USH2A: variants seen among roughly 807,000 people sequenced by gnomAD.
The protein encoded by USH2A is usherin, also known as Usher syndrome 2A (autosomal recessive, mild).
In USH2A, 443 loss-of-function variants were observed where a neutral mutation model predicts 538.9. That is an observed-to-expected ratio of 0.82 (90% CI 0.76 to 0.89). USH2A has a LOEUF of 0.89. USH2A is among the 40% of genes least tolerant of loss of function. USH2A has a pLI of 0.00. For synonymous variants in USH2A, 2,413 were observed against 2,273.5 expected (o/e 1.06, Z -1.75); for missense variants, 6,633 against 6,324.8 (o/e 1.05, Z -1.65).
chr1:216,384,234 T>C (rs2038967149), intron 3 of USH2A, among the ~76,000 whole-genome samples: 1 of 151,876 alleles, frequency 6.6e-6, no homozygotes, highest in South Asian at 2.1e-4. Context: ...AATTTCTAAA[T>C]ATATCAAGAT....
At chr1:216,293,252 C>A (rs903066086) in intron 9 of USH2A, among the ~76,000 whole-genome samples, 27 of 152,164 alleles carry the variant, frequency 1.8e-4, no homozygotes, top group African/African-American at 5.3e-4. Context: ...TCTCGATCTC[C>A]TGACCTCGTG....
intron 30 of USH2A, among the ~76,000 whole-genome samples, chr1:216,069,114 T>A (rs1171657492): frequency 2.0e-5 from 3 of 152,162 alleles, no homozygotes; most frequent in Admixed American, 6.5e-5. Flanking sequence ...GTTGAGCATT[T>A]TTAGCAATAA....
At chr1:216,226,003 A>T (rs1457482551) in intron 14 of USH2A, among the ~76,000 whole-genome samples, 1 of 152,178 alleles carries the variant, frequency 6.6e-6, no homozygotes, top group African/African-American at 2.4e-5. Flanking sequence ...TTGAAAGGAC[A>T]TATTAAAAAG....
chr1:215,719,383 A>AAAAAT (rs397953947), intron 61 of USH2A, among the ~76,000 whole-genome samples: 1 of 148,134 alleles, frequency 6.8e-6, no homozygotes, highest in Non-Finnish European at 1.5e-5. Flanking sequence ...AAAAAAAAAA[A>AAAAAT]GCATGTTCTT....
chr1:215,720,874 T>G (rs1659638156), intron 61 of USH2A, among the ~76,000 whole-genome samples: 1 of 152,098 alleles, frequency 6.6e-6, no homozygotes, highest in African/African-American at 2.4e-5. Context: ...CCCCTCAAAA[T>G]TAATAGAAGA....
chr1:216,264,507 A>G (rs947447755), intron 11 of USH2A, among the ~76,000 whole-genome samples: 13 of 152,144 alleles, frequency 8.5e-5, no homozygotes, highest in Non-Finnish European at 1.6e-4. Flanking sequence ...CATGTTGGTC[A>G]GGCTGGTCTC....
rs375820865 is a variant in USH2A, at chr1:216,070,203, C to T, written c.5947G>A (p.Val1983Ile). 6.2e-7 allele frequency: 1 copy of T among 1,613,862 alleles called. No individual in the cohort carries two copies. The highest frequency in any genetic ancestry group is 1.3e-5 in the African/African-American group (1 of 74,884). ...GCTTTCAGAATGTACTTCTCAATTA[C>T]ACCTCTGACAACAGGTTCATCCCAG... ...VTWDEPVVRG[V>I]IEKYILKAYS... The change falls in exon 30 of 72, where the codon GTA becomes ATA. Residue 1983 changes from valine to isoleucine, a missense_variant. Physicochemically the swap from Val to Ile is conservative, Grantham distance 29 (BLOSUM62 3). Transcript: ENST00000307340.
chr1:215,733,585 C>G (rs1660069294), intron 60 of USH2A, among the ~76,000 whole-genome samples: 1 of 152,192 alleles, frequency 6.6e-6, no homozygotes, highest in South Asian at 2.1e-4. Flanking sequence ...CTCCTTTCAC[C>G]TATAAGCCTA....
At chr1:215,766,815 T>G in intron 55 of USH2A, 27 bp from the exon 56 acceptor site, 2 of 1,587,130 alleles carry the variant, frequency 1.3e-6, no homozygotes, top group Non-Finnish European at 1.7e-6. Flanking sequence ...AGAAATAAAG[T>G]GCACCTTAAG....
intron 48 of USH2A, among the ~76,000 whole-genome samples, chr1:215,815,535 G>A (rs1269872267): frequency 6.6e-6 from 1 of 151,750 alleles, no homozygotes; most frequent in East Asian, 1.9e-4. Flanking sequence ...TTGGTACAAA[G>A]CTTCAGTAAA....
chr1:215,641,205 T>G (rs1656674259), intron 67 of USH2A, among the ~76,000 whole-genome samples: 1 of 152,216 alleles, frequency 6.6e-6, no homozygotes, highest in South Asian at 2.1e-4. Flanking sequence ...GAAGTTAATA[T>G]ATTTTTTTCT....
chr1:215,880,725 C>T (rs1571775578), intron 41 of USH2A, among the ~76,000 whole-genome samples: 1 of 152,152 alleles, frequency 6.6e-6, no homozygotes, highest in Admixed American at 6.5e-5. Flanking sequence ...TAAATTCAAC[C>T]TGACTAATCT....
At chr1:215,722,365 T>A (rs1659688334) in intron 61 of USH2A, among the ~76,000 whole-genome samples, 1 of 152,126 alleles carries the variant, frequency 6.6e-6, no homozygotes. Flanking sequence ...AATCATCAAA[T>A]TAAAAAGAGT....
At chr1:216,371,868 A>G (rs1219959544) in intron 3 of USH2A, among the ~76,000 whole-genome samples, 1 of 152,218 alleles carries the variant, frequency 6.6e-6, no homozygotes, top group Non-Finnish European at 1.5e-5. Flanking sequence ...AAGAAAAGGC[A>G]CCGTTTTCTA....
At chr1:216,182,131 A>C (rs892136843) in intron 20 of USH2A, among the ~76,000 whole-genome samples, 3 of 152,156 alleles carry the variant, frequency 2.0e-5, no homozygotes, top group African/African-American at 7.2e-5. Context: ...AAAATTTAAA[A>C]TAGTCTAACA....
At chr1:215,903,088 T>C (rs907685617) in intron 38 of USH2A, among the ~76,000 whole-genome samples, 1 of 151,486 alleles carries the variant, frequency 6.6e-6, no homozygotes, top group African/African-American at 2.4e-5. Flanking sequence ...GTCAGTGAGG[T>C]AGGAGAAAAA....
rs752331878 is a variant in USH2A at position 216,048,541 on chromosome 1, T to G, written c.6156A>C (p.Pro2052=). 2 of 1,613,848 alleles carry G rather than the reference T, an allele frequency of 1.2e-6. No individual in the cohort carries two copies. Among genetic ancestry groups the G allele is most frequent in the Non-Finnish European group, 1.7e-6 (2 of 1,179,732 alleles). ...ESSHALNIST[P]QEAPQEVQPP... ...CCTTTGAAATTACTTTACCTTCTTGTGGAGTAGAGATGTTCAATGCATGTG... is the reference window on the plus strand; with the variant it reads ...CCTTTGAAATTACTTTACCTTCTTGGGGAGTAGAGATGTTCAATGCATGTG... Residue 2052 remains proline, a synonymous_variant, in exon 31 of 72, where the codon CCA becomes CCC. Transcript: ENST00000307340.
At chr1:216,337,146 A>T (rs1323124811) in intron 4 of USH2A, among the ~76,000 whole-genome samples, 1 of 151,468 alleles carries the variant, frequency 6.6e-6, no homozygotes, top group African/African-American at 2.4e-5. Context: ...ATTTTAGGGG[A>T]AAAGTGTTTT....
chr1:216,119,956 A>C (rs1008948133), intron 21 of USH2A, among the ~76,000 whole-genome samples: 15 of 152,238 alleles, frequency 9.9e-5, no homozygotes, highest in Middle Eastern at 3.4e-3. Context: ...ACACCTAGCC[A>C]AGAGTCAGGT....
Sources: allele counts gnomAD v4.1 joint callset (sites outside exome capture counted in the v4.1 genomes callset), GRCh38; gene constraint gnomAD v4.1.1; transcripts MANE v1.5; gene names NCBI Gene and HGNC (gene_info 2026-07-23, HGNC 2026-07-21).